The following STXBP5L variants were observed in gnomAD, a reference collection of about 807,000 sequenced individuals.
STXBP5L encodes the protein syntaxin binding protein 5L, also known as syntaxin-binding protein 5-like.
A neutral mutation model predicts 144.5 loss-of-function variants in STXBP5L; 65 were observed. That is an observed-to-expected ratio of 0.45 (90% confidence interval 0.37 to 0.55). The LOEUF (loss-of-function observed/expected upper bound fraction) is 0.55. STXBP5L is among the 20% of genes least tolerant of loss of function. The pLI is 0.00. For missense variants in STXBP5L, 1,298 were observed against 1,405.5 expected, an observed-to-expected ratio of 0.92 and a Z score of 1.22; for synonymous variants, 505 against 469.6, an observed-to-expected ratio of 1.08 and a Z score of -0.97.
intron 22 of STXBP5L, among the ~76,000 whole-genome samples, chr3:121,389,795 T>C (rs1174913434): frequency 6.6e-6 from 1 of 152,218 alleles, no homozygotes; most frequent in African/African-American, 2.4e-5. Flanking sequence ...TGAGGAGTGC[T>C]TTACTTCCAA....
intron 3 of STXBP5L, among the ~76,000 whole-genome samples, chr3:121,020,244 A>T (rs1179680937): frequency 6.6e-6 from 1 of 152,154 alleles, no homozygotes; most frequent in African/African-American, 2.4e-5. Flanking sequence ...AAGAAAAAAA[A>T]TGCCTCCAAG....
At chr3:121,265,254 G>A (rs551966443) in intron 18 of STXBP5L, among the ~76,000 whole-genome samples, 5 of 152,102 alleles carry the variant, frequency 3.3e-5, no homozygotes, top group South Asian at 4.1e-4. Flanking sequence ...GCAAAAGAAC[G>A]GAAATCATAA....
At chr3:121,280,058 C>A in intron 19 of STXBP5L, 102 bp downstream of exon 19, 1 of 1,303,448 alleles carries the variant, frequency 7.7e-7, no homozygotes, top group Non-Finnish European at 1.0e-6. Context: ...AAATGCATGG[C>A]AAAATAAAAT....
At chr3:121,052,175 C>T (rs1391855426) in intron 5 of STXBP5L, among the ~76,000 whole-genome samples, 1 of 152,160 alleles carries the variant, frequency 6.6e-6, no homozygotes, top group East Asian at 1.9e-4. Context: ...GGTACCATTC[C>T]TTCTGAAACT....
At chr3:121,124,651 A>C (rs2044621700) in intron 7 of STXBP5L, among the ~76,000 whole-genome samples, 1 of 151,930 alleles carries the variant, frequency 6.6e-6, no homozygotes, top group Admixed American at 6.6e-5. Context: ...TGCATCATTG[A>C]ATGTTTTGTT....
chr3:121,045,661 C>G (rs1193698792), intron 5 of STXBP5L, 126 bp downstream of exon 5: 1 of 837,912 alleles, frequency 1.2e-6, no homozygotes, highest in Non-Finnish European at 1.8e-6. Flanking sequence ...AATGTTTATG[C>G]TTACTTTCAT....
At chr3:121,235,844 C>CACACACACACACAT (rs2049462296) in intron 12 of STXBP5L, among the ~76,000 whole-genome samples, 1 of 139,762 alleles carries the variant, frequency 7.2e-6, no homozygotes, top group Non-Finnish European at 1.5e-5. Context: ...CACACACATA[C>CACACACACACACAT]ACACACACAC....
At chr3:121,297,089 TA>T (rs2051683134) in intron 19 of STXBP5L, among the ~76,000 whole-genome samples, 1 of 152,000 alleles carries the variant, frequency 6.6e-6, no homozygotes, top group Non-Finnish European at 1.5e-5. Context: ...GATTGAGAAA[TA>T]AAGAGAGATT....
At chr3:121,014,101 G>T (rs1189214543) in intron 3 of STXBP5L, among the ~76,000 whole-genome samples, 2 of 151,944 alleles carry the variant, frequency 1.3e-5, no homozygotes, top group East Asian at 3.9e-4. Flanking sequence ...TTTTTGCTTA[G>T]AATTATATTG....
At chr3:121,207,306 A>G (rs868360219) in intron 10 of STXBP5L, among the ~76,000 whole-genome samples, 1 of 152,140 alleles carries the variant, frequency 6.6e-6, no homozygotes, top group Non-Finnish European at 1.5e-5. Flanking sequence ...TGGATCCCTT[A>G]CTTACACCTT....
chr3:120,910,510 A>G (rs1708774264), intron 2 of STXBP5L, among the ~76,000 whole-genome samples: 1 of 152,160 alleles, frequency 6.6e-6, no homozygotes, highest in South Asian at 2.1e-4. Flanking sequence ...GTGATTTATA[A>G]TTTTATTGCC....
chr3:121,049,145 A>G (rs950391918), intron 5 of STXBP5L, among the ~76,000 whole-genome samples: 6 of 151,492 alleles, frequency 4.0e-5, no homozygotes, highest in African/African-American at 1.5e-4. Flanking sequence ...AGGGTTGGGG[A>G]CCCATGTAGA....
In STXBP5L at chr3:121,086,422, C is replaced by T. The variant is rs182145872; in HGVS notation, c.471-28503C>T. Among the ~76,000 whole-genome samples the T allele has an allele frequency of 3.7e-3, 568 of 152,110 alleles. 2 individuals are homozygous for T. Among genetic ancestry groups the T allele is most frequent in the Non-Finnish European group, 3.5e-3 (239 of 67,930 alleles). Reference sequence around the variant, plus strand: ...TTTCTATTGCCTCATGCGTTCATAGCCATTGTAACATTATAGCACAATGCA... The same window carrying T: ...TTTCTATTGCCTCATGCGTTCATAGTCATTGTAACATTATAGCACAATGCA... On this transcript the variant is annotated intron_variant, in intron 5 of 26. Coordinates refer to ENST00000471454, the MANE Select transcript of STXBP5L (RefSeq NM_001308330.2).
chr3:121,297,202 ATGTGTGTGTGTGTGTGTG>A (rs71133526), intron 19 of STXBP5L, among the ~76,000 whole-genome samples: 13 of 148,340 alleles, frequency 8.8e-5, no homozygotes, highest in Admixed American at 4.7e-4. Context: ...TCTACATTAT[ATGTGTGTGTGTGTGTGTG>A]TGTGTGTGTG....
At chr3:121,042,197 T>A (rs1258254906) in intron 4 of STXBP5L, among the ~76,000 whole-genome samples, 2 of 152,156 alleles carry the variant, frequency 1.3e-5, no homozygotes, top group African/African-American at 2.4e-5. Context: ...TGGGCCCTTT[T>A]ATCTGCATAT....
chr3:120,954,850 T>C (rs771191292), intron 2 of STXBP5L, 90 bp from the exon 3 acceptor site: 38 of 1,024,224 alleles, frequency 3.7e-5, no homozygotes, highest in African/African-American at 6.6e-5. Context: ...TTAAACTAAT[T>C]TTAGACATTC....
At position 121,098,090 on chromosome 3, in the gene STXBP5L, G is replaced by C. The variant is rs183194918; in HGVS notation, c.471-16835G>C. 5.9e-5 allele frequency among the ~76,000 whole-genome samples: 9 copies of C among 151,988 alleles called. No individual in the cohort carries two copies. In the East Asian group the frequency reaches 1.7e-3, roughly 29 times the overall value. ...TAGTATAATTTTCTGTTCAACCTAC[G>C]GTACTGATATCAAGAAATGTGGAAA... On this transcript the variant is annotated intron_variant, in intron 5 of 26. Transcript: ENST00000471454.
At chr3:121,294,665 T>C (rs2051576952) in intron 19 of STXBP5L, among the ~76,000 whole-genome samples, 1 of 148,710 alleles carries the variant, frequency 6.7e-6, no homozygotes, top group South Asian at 2.1e-4. Flanking sequence ...GATAAGGGAG[T>C]AGGGAAGAAA....
intron 4 of STXBP5L, among the ~76,000 whole-genome samples, chr3:121,042,428 G>C (rs1009574234): frequency 6.6e-6 from 1 of 152,054 alleles, no homozygotes; most frequent in African/African-American, 2.4e-5. Context: ...TTTTTATAGT[G>C]GAAATTAGAG....
Sources: allele counts gnomAD v4.1 joint callset (sites outside exome capture counted in the v4.1 genomes callset), GRCh38; gene constraint gnomAD v4.1.1; transcripts MANE v1.5; gene names NCBI Gene and HGNC (gene_info 2026-07-23, HGNC 2026-07-21).